Variants in DGAT2 observed in about 807,000 individuals in gnomAD.
DGAT2 encodes acyl-CoA retinol O-fatty-acyltransferase.
In DGAT2, 33 loss-of-function variants were observed where a neutral mutation model predicts 48.4. The observed-to-expected ratio is 0.68, with a 90% CI of 0.52 to 0.91. The LOEUF is 0.91. Ranked by LOEUF, DGAT2 falls within the 40% of genes least tolerant of loss-of-function variation. The pLI, the probability that DGAT2 is intolerant of heterozygous loss-of-function variation, is 0.00. For synonymous variants in DGAT2, 191 were observed against 194.1 expected, an observed-to-expected ratio of 0.98 and a Z score of 0.13; for missense variants, 446 against 493.7, an observed-to-expected ratio of 0.90 and a Z score of 0.92.
chr11:75,778,833 CAAA>C (rs746636359), intron 1 of DGAT2, among the ~76,000 whole-genome samples: 2 of 68,460 alleles, frequency 2.9e-5, no homozygotes, highest in African/African-American at 4.6e-5. Context: ...GACTCCGTCT[CAAA>C]AAAAAAAAAA....
intron 5 of DGAT2, 59 bp from the exon 6 acceptor site, chr11:75,797,099 C>A: frequency 7.1e-7 from 1 of 1,417,434 alleles, no homozygotes; most frequent in Non-Finnish European, 9.3e-7. Flanking sequence ...GACTGTGTGC[C>A]GGGGATGGGG....
chr11:75,790,718 A>G lies in DGAT2; in HGVS notation c.416A>G (p.Tyr139Cys), dbSNP rs1413670862. ...GCTGTGTGGCGCTACTTTCGAGACT[A>G]CTTTCCCATCCAGGTAAAGTGCTGT... Reference protein sequence around the residue: ...NWAVWRYFRDYFPIQLVKTHN... With the variant: ...NWAVWRYFRDCFPIQLVKTHN... Residue 139 changes from tyrosine to cysteine, a missense_variant, in exon 4 of 8, where the codon TAC becomes TGC. By Grantham distance (194) the Tyr-to-Cys change is radical. Transcript: ENST00000228027. The G allele has an allele frequency of 1.2e-6, 2 of 1,614,012 alleles. No homozygotes were observed. The highest frequency in any genetic ancestry group is 2.2e-5 in the East Asian group (1 of 44,884).
chr11:75,772,546 C>T (rs1475712261), intron 1 of DGAT2, among the ~76,000 whole-genome samples: 1 of 152,178 alleles, frequency 6.6e-6, no homozygotes, highest in Non-Finnish European at 1.5e-5. Flanking sequence ...CAGAGGTCTT[C>T]CCTGGCCACC....
At chr11:75,778,691 G>A (rs867263537) in intron 1 of DGAT2, among the ~76,000 whole-genome samples, 7 of 151,906 alleles carry the variant, frequency 4.6e-5, no homozygotes, top group Non-Finnish European at 8.8e-5. Context: ...ATAATTAGCC[G>A]GGCGTTGTGG....
intron 4 of DGAT2, chr11:75,792,417 C>T (rs904802729): frequency 2.6e-5 from 4 of 152,274 alleles, no homozygotes; most frequent in African/African-American, 9.7e-5. Context: ...CTCTGGGCCT[C>T]AATCTCCCCT....
chr11:75,783,417 T>C (rs1944889309), intron 1 of DGAT2, among the ~76,000 whole-genome samples: 1 of 152,242 alleles, frequency 6.6e-6, no homozygotes. Context: ...CTTTGTTGCT[T>C]TGCAGATTTT....
intron 1 of DGAT2, among the ~76,000 whole-genome samples, chr11:75,771,354 T>G (rs1319495566): frequency 1.3e-5 from 2 of 152,022 alleles, no homozygotes; most frequent in African/African-American, 4.8e-5. Flanking sequence ...GGCTCTTCGT[T>G]CAGAAGAGCC....
chr11:75,782,929 C>T (rs917411947), intron 1 of DGAT2, among the ~76,000 whole-genome samples: 3 of 152,222 alleles, frequency 2.0e-5, no homozygotes, highest in African/African-American at 7.2e-5. Context: ...TCCAATTAGG[C>T]TATACTGGAT....
intron 5 of DGAT2, 155 bp downstream of exon 5, chr11:75,796,687 G>C: frequency 1.4e-6 from 1 of 715,174 alleles, no homozygotes; most frequent in African/African-American, 1.8e-5. Context: ...GGTCAGGGCT[G>C]AGGAGGAGAG....
chr11:75,768,960 C>T lies in DGAT2; in HGVS notation c.-32C>T. 2 of 1,458,070 alleles carry T rather than the reference C, an allele frequency of 1.4e-6. No individual in the cohort carries two copies. The highest frequency in any genetic ancestry group is 1.8e-6 in the Non-Finnish European group (2 of 1,107,234). 90.3% of individuals were successfully genotyped at this position (1,458,070 alleles called of 1,614,324 possible). ...CCAGGGGCGCGGGGTGAAGCGGCTTCCCGCGGGGCCGTGACTGGGCGGGCT... is the reference window on the plus strand; with the variant it reads ...CCAGGGGCGCGGGGTGAAGCGGCTTTCCGCGGGGCCGTGACTGGGCGGGCT... On this transcript the variant is annotated 5_prime_UTR_variant, in exon 1 of 8. Transcript: ENST00000228027.
chr11:75,772,682 A>G lies in DGAT2; in HGVS notation c.121+3570A>G, dbSNP rs145704935. Among the ~76,000 whole-genome samples, 709 of 152,266 alleles carry G rather than the reference A, an allele frequency of 4.7e-3. 4 individuals carry two copies. The highest frequency in any genetic ancestry group is 0.016 in the African/African-American group (650 of 41,550). ...TATCTGTTTAAGCAATTGTCTCCCC[A>G]GTAAGAATATCAGTCCCTTTGCCGG... On this transcript the variant is annotated intron_variant, in intron 1 of 7. Transcript: ENST00000228027.
chr11:75,798,941 T>C (rs1281023053), intron 7 of DGAT2, among the ~76,000 whole-genome samples: 1 of 152,208 alleles, frequency 6.6e-6, no homozygotes. Flanking sequence ...GACTGCAGCA[T>C]AGACCTGTCA....
chr11:75,800,384 A>G lies in DGAT2; in HGVS notation c.1043A>G (p.Glu348Gly). 1 of 1,614,118 alleles carries G rather than the reference A, an allele frequency of 6.2e-7. No homozygotes were observed. Among genetic ancestry groups the G allele is most frequent in the Non-Finnish European group, 8.5e-7 (1 of 1,180,020 alleles). The part of the protein sequence containing the change: ...VGEPITIPKL[E>G]HPTQQDIDLY... ...GAGCCCATCACCATCCCCAAGCTGG[A>G]GCACCCAACCCAGCAAGACATCGAC... The change falls in exon 8 of 8, where the codon GAG (glutamate) becomes GGG (glycine). Residue 348 changes from glutamate (E) to glycine (G), a missense_variant. Glu to Gly is a moderately conservative substitution (Grantham distance 98). Transcript: ENST00000228027.
chr11:75,790,464 C>G (rs1221326726), intron 3 of DGAT2, among the ~76,000 whole-genome samples, 169 bp downstream of exon 3: 1 of 152,154 alleles, frequency 6.6e-6, no homozygotes, highest in Non-Finnish European at 1.5e-5. Context: ...GGGCACTGTT[C>G]TGGTCCTGAC....
In DGAT2 at chr11:75,790,180, C is replaced by T. The variant is rs1944969709; in HGVS notation, c.251-8C>T. 3 of 1,605,072 alleles carry T rather than the reference C, an allele frequency of 1.9e-6. No individual in the cohort carries two copies. Among genetic ancestry groups the T allele is most frequent in the Non-Finnish European group, 2.6e-6 (3 of 1,172,290 alleles). On this transcript the variant is annotated splice_region_variant and splice_polypyrimidine_tract_variant and intron_variant, in intron 2 of 7. Coordinates refer to ENST00000228027, the MANE Select transcript of DGAT2 (RefSeq NM_032564.5). ...GTAGGACCTGACCTGTGGCCATCTG[C>T]CCCCCAGGAGTGGCCTGCAGTGCCA...
chr11:75,771,022 C>T (rs1366003443), intron 1 of DGAT2, among the ~76,000 whole-genome samples: 1 of 152,132 alleles, frequency 6.6e-6, no homozygotes, highest in Non-Finnish European at 1.5e-5. Context: ...CCTAGTTTGC[C>T]TCTGTGGGTA....
intron 1 of DGAT2, among the ~76,000 whole-genome samples, chr11:75,775,302 C>T (rs1357350748): frequency 6.6e-6 from 1 of 152,138 alleles, no homozygotes; most frequent in Non-Finnish European, 1.5e-5. Context: ...TGCAGCAGGC[C>T]CTGAGGACTG....
At chr11:75,784,859 C>A in intron 2 of DGAT2, 113 bp downstream of exon 2, 1 of 1,427,306 alleles carries the variant, frequency 7.0e-7, no homozygotes, top group Non-Finnish European at 9.6e-7. Context: ...AACTCTTACA[C>A]ATGCTGCCCC....
chr11:75,797,351 AC>A lies in DGAT2; in HGVS notation c.809+20del, dbSNP rs556784222. 1.4e-3 allele frequency: 1,954 copies of A among 1,446,072 alleles called. 5 individuals carry two copies. The highest frequency in any genetic ancestry group is 1.8e-3 in the Admixed American group (74 of 41,744). The allele number at this position is 1,446,072 out of a possible 1,614,324, so 89.6% of individuals were successfully genotyped here. A position where few individuals can be genotyped will look rare whatever the true frequency, so the allele number is the denominator to read the frequency against. ...GTCATGGGTGAGTGCCTCCCTACAC[AC>A]ACACACACCCCTCCAGTGCCCCTCA... On this transcript the variant is annotated intron_variant, in intron 6 of 7. Transcript: ENST00000228027.
Sources: gnomAD v4.1 joint callset for allele counts (sites outside exome capture counted in the v4.1 genomes callset) on GRCh38, gnomAD v4.1.1 for gene constraint, MANE v1.5 for transcripts, NCBI Gene and HGNC (gene_info 2026-07-23, HGNC 2026-07-21) for gene names.